Variants in FBXL13 observed in about 807,000 individuals in gnomAD.
The protein encoded by FBXL13 is F-box and leucine-rich repeat protein 13.
FBXL13 carries 67 observed loss-of-function variants against 83.6 expected under a neutral mutation model. The ratio of observed to expected loss-of-function variants is 0.80; its 90% CI spans 0.66 to 0.98. FBXL13 has a LOEUF of 0.98. FBXL13 is among the 50% of genes least tolerant of loss of function. The probability of loss-of-function intolerance (pLI) is 0.00; values close to 1 mark genes in which losing one functional copy is unlikely to be tolerated. For missense variants in FBXL13, 822 were observed against 866.5 expected (o/e 0.95, Z 0.64); for synonymous variants, 272 against 299.5 (o/e 0.91, Z 0.95).
chr7:102,969,497 GAA>G (rs1312399001), intron 6 of FBXL13, among the ~76,000 whole-genome samples: 1 of 151,194 alleles, frequency 6.6e-6, no homozygotes, highest in Non-Finnish European at 1.5e-5. Flanking sequence ...AAAAAAAAAA[GAA>G]AAGAGAGAGA....
intron 6 of FBXL13, among the ~76,000 whole-genome samples, chr7:102,986,110 G>C (rs939530420): frequency 6.6e-6 from 1 of 151,808 alleles, no homozygotes; most frequent in Non-Finnish European, 1.5e-5. Context: ...TCTTTATTTA[G>C]GATGCCAGAA....
At chr7:102,838,657 A>G (rs1308774553) in intron 17 of FBXL13, among the ~76,000 whole-genome samples, 1 of 152,164 alleles carries the variant, frequency 6.6e-6, no homozygotes, top group East Asian at 1.9e-4. Flanking sequence ...GAGCTCACAG[A>G]AACATGTGTT....
At position 102,929,556 on chromosome 7, in the gene FBXL13, TG is replaced by T. The variant is rs560420625; in HGVS notation, c.777+2324del. Among the ~76,000 whole-genome samples the T allele has an allele frequency of 8.6e-4, 126 of 146,288 alleles. 3 individuals are homozygous for T. The South Asian group carries it at 0.025, about 29-fold the overall frequency. On this transcript the variant is annotated intron_variant, in intron 9 of 19. Coordinates refer to ENST00000313221, the Ensembl canonical transcript of FBXL13. ...GCACGTGCCTATAATCCCAGCTAAT[TG>T]GGTGGCTGAGGCAGGAGAATCACTT...
intron 19 of FBXL13, among the ~76,000 whole-genome samples, chr7:102,819,036 A>G (rs1798426805): frequency 6.6e-6 from 1 of 151,954 alleles, no homozygotes; most frequent in East Asian, 1.9e-4. Context: ...CCCACTTATA[A>G]GTGAGAACAT....
chr7:102,967,423 C>A (rs1408110856), intron 7 of FBXL13, among the ~76,000 whole-genome samples: 3 of 152,204 alleles, frequency 2.0e-5, no homozygotes, highest in Non-Finnish European at 2.9e-5. Flanking sequence ...CAGGCACCTG[C>A]CACCATGCCT....
chr7:102,915,886 T>C (rs1053149525), intron 10 of FBXL13, among the ~76,000 whole-genome samples: 9 of 152,248 alleles, frequency 5.9e-5, no homozygotes, highest in Non-Finnish European at 1.2e-4. Context: ...AATATATTTG[T>C]GATTTATATG....
chr7:103,038,526 C>G (rs1034748711), intron 2 of FBXL13, among the ~76,000 whole-genome samples: 5 of 152,192 alleles, frequency 3.3e-5, no homozygotes, highest in African/African-American at 1.2e-4. Context: ...GGTCCCTGAC[C>G]CCCATGTAGC....
At chr7:102,976,904 T>C (rs564264122) in intron 6 of FBXL13, among the ~76,000 whole-genome samples, 1 of 152,308 alleles carries the variant, frequency 6.6e-6, no homozygotes, top group South Asian at 2.1e-4. Context: ...TCCTAACCCA[T>C]ATACTTTACT....
chr7:102,944,953 G>A (rs1822201082), intron 8 of FBXL13: 1 of 179,506 alleles, frequency 5.6e-6, no homozygotes, highest in South Asian at 1.9e-4. Context: ...ATGTTTACAT[G>A]CCTTTCGATA....
At chr7:103,036,605 C>T (rs947305463) in intron 2 of FBXL13, among the ~76,000 whole-genome samples, 26 of 152,254 alleles carry the variant, frequency 1.7e-4, no homozygotes, top group Admixed American at 4.6e-4. Context: ...CTCCACTCCC[C>T]GGTTCAAGTG....
chr7:102,891,733 C>T (rs943784404), intron 11 of FBXL13, among the ~76,000 whole-genome samples: 1 of 152,132 alleles, frequency 6.6e-6, no homozygotes, highest in Non-Finnish European at 1.5e-5. Flanking sequence ...CTACAGATGC[C>T]AGGAAGGCTT....
chr7:102,970,079 C>T (rs2129481640), intron 6 of FBXL13, among the ~76,000 whole-genome samples: 1 of 151,822 alleles, frequency 6.6e-6, no homozygotes, highest in South Asian at 2.1e-4. Flanking sequence ...AGTGAAACCC[C>T]ATTTCAACTA....
chr7:102,885,803 T>C (rs1469203785), intron 11 of FBXL13, among the ~76,000 whole-genome samples: 4 of 152,218 alleles, frequency 2.6e-5, no homozygotes, highest in Non-Finnish European at 4.4e-5. Flanking sequence ...ATACATAGTG[T>C]GAGGTAGGGG....
chr7:102,861,960 T>A (rs1428691497), intron 16 of FBXL13, among the ~76,000 whole-genome samples: 1 of 143,238 alleles, frequency 7.0e-6, no homozygotes, highest in African/African-American at 2.7e-5. Flanking sequence ...CCAGCCTGGA[T>A]GACAGAGTGA....
intron 1 of FBXL13, among the ~76,000 whole-genome samples, chr7:103,067,215 T>C (rs1798486377): frequency 6.6e-6 from 1 of 152,220 alleles, no homozygotes; most frequent in Non-Finnish European, 1.5e-5. Flanking sequence ...CTTTAAATAA[T>C]GTTCAGTTGC....
chr7:102,957,239 C>T (rs182330944), intron 8 of FBXL13, among the ~76,000 whole-genome samples: 37 of 152,262 alleles, frequency 2.4e-4, no homozygotes, highest in African/African-American at 8.7e-4. Flanking sequence ...CACATATCTA[C>T]AACCATCTGA....
At chr7:102,946,474 G>A (rs1822510976) in intron 8 of FBXL13, among the ~76,000 whole-genome samples, 1 of 152,120 alleles carries the variant, frequency 6.6e-6, no homozygotes, top group East Asian at 1.9e-4. Flanking sequence ...ACCCCAAAGA[G>A]GAGCAGGTAC....
At position 102,877,922 on chromosome 7, in the gene FBXL13, C is replaced by G. The variant is rs180794187; in HGVS notation, c.1509-329G>C. Among the ~76,000 whole-genome samples, 111 of 152,206 alleles carry G rather than the reference C, an allele frequency of 7.3e-4. 1 individual carries two copies. The highest frequency in any genetic ancestry group is 4.0e-4 in the Non-Finnish European group (27 of 68,002). On this transcript the variant is annotated intron_variant, in intron 15 of 19. Coordinates refer to ENST00000313221, the Ensembl canonical transcript of FBXL13. ...TGCAAGTTAAGAACCCTACTTATCC[C>G]TTACAAGTTTGCTACAGGAATTGTA...
In FBXL13 at chr7:103,028,705, C is replaced by G. The variant is rs1177391280; in HGVS notation, c.112G>C (p.Ala38Pro). The G allele has an allele frequency of 3.1e-6, 5 of 1,600,318 alleles. No individual in the cohort carries two copies. In the Admixed American group the frequency reaches 8.6e-5, roughly 27 times the overall value. The change falls in exon 4 of 20, where the codon GCT (alanine) becomes CCT (proline). Residue 38 changes from alanine (A) to proline (P), a missense_variant. By Grantham distance (27) the Ala-to-Pro change is conservative. Coordinates refer to ENST00000313221, the Ensembl canonical transcript of FBXL13. Reference sequence around the variant, plus strand: ...GTCACTGCTCTGTTCATTTTTTCAGCCAGGACGACATTTTCATTTGTACGA... The same window carrying G: ...GTCACTGCTCTGTTCATTTTTTCAGGCAGGACGACATTTTCATTTGTACGA...
Sources: allele counts gnomAD v4.1 joint callset (sites outside exome capture counted in the v4.1 genomes callset), GRCh38; gene constraint gnomAD v4.1.1; transcripts MANE v1.5; gene names NCBI Gene and HGNC (gene_info 2026-07-23, HGNC 2026-07-21).